EPHA5: variants seen among roughly 807,000 people sequenced by gnomAD.
The protein encoded by EPHA5 is EPH receptor A5, also known as ephrin type-A receptor 5.
In EPHA5, 60 loss-of-function variants were observed where a neutral mutation model predicts 105.0. That is an observed-to-expected ratio of 0.57 (90% CI 0.46 to 0.71). The LOEUF is 0.71. Ranked by LOEUF, EPHA5 falls within the 30% of genes least tolerant of loss-of-function variation. The pLI is 0.00. For missense variants in EPHA5, 1,218 were observed against 1,274.7 expected, an observed-to-expected ratio of 0.96 and a Z score of 0.68; for synonymous variants, 513 against 449.1, an observed-to-expected ratio of 1.14 and a Z score of -1.80.
chr4:65,333,867 C>T (rs1026600048), intron 15 of EPHA5, among the ~76,000 whole-genome samples: 6 of 151,634 alleles, frequency 4.0e-5, no homozygotes, highest in Admixed American at 1.3e-4. Context: ...TCTCCACATC[C>T]GTGTGCTCTT....
At chr4:65,502,908 T>C (rs1365909298) in intron 3 of EPHA5, among the ~76,000 whole-genome samples, 3 of 151,806 alleles carry the variant, frequency 2.0e-5, no homozygotes, top group Non-Finnish European at 4.4e-5. Flanking sequence ...GTGGTACAAG[T>C]ACCGCATGGA....
At chr4:65,657,898 CAAAAAAAAA>C (rs58539913) in intron 1 of EPHA5, among the ~76,000 whole-genome samples, 1 of 117,474 alleles carries the variant, frequency 8.5e-6, no homozygotes, top group Admixed American at 8.6e-5. Flanking sequence ...TTGGTATATG[CAAAAAAAAA>C]AAAAAAAAAA....
intron 1 of EPHA5, among the ~76,000 whole-genome samples, chr4:65,646,941 T>C (rs889666345): frequency 6.6e-6 from 1 of 152,164 alleles, no homozygotes; most frequent in Non-Finnish European, 1.5e-5. Flanking sequence ...TCAGTATTCA[T>C]GACAATATGC....
intron 2 of EPHA5, among the ~76,000 whole-genome samples, chr4:65,637,784 T>C (rs1341430788): frequency 1.3e-5 from 2 of 151,778 alleles, no homozygotes. Context: ...ATTTTATAAA[T>C]AAAAAATAAG....
At chr4:65,349,340 G>T (rs1261364325) in intron 13 of EPHA5, among the ~76,000 whole-genome samples, 1 of 101,318 alleles carries the variant, frequency 9.9e-6, no homozygotes, top group East Asian at 5.6e-4. Flanking sequence ...CATAAAAATT[G>T]ATTTGGAGAC....
chr4:65,564,099 T>C (rs1312167600), intron 3 of EPHA5, among the ~76,000 whole-genome samples: 1 of 151,940 alleles, frequency 6.6e-6, no homozygotes. Flanking sequence ...AAAAATGATT[T>C]CTTTGAGGCC....
At chr4:65,377,742 C>T (rs1246803227) in intron 8 of EPHA5, among the ~76,000 whole-genome samples, 3 of 151,910 alleles carry the variant, frequency 2.0e-5, no homozygotes, top group Non-Finnish European at 2.9e-5. Context: ...TTTAATTTGT[C>T]CACATATTCA....
chr4:65,533,057 AT>A (rs893200250), intron 3 of EPHA5, among the ~76,000 whole-genome samples: 72 of 150,904 alleles, frequency 4.8e-4, no homozygotes, highest in African/African-American at 1.6e-3. Flanking sequence ...TTCCATTAAT[AT>A]TTTTTTTTCA....
At chr4:65,612,476 T>C (rs1255601454) in intron 2 of EPHA5, among the ~76,000 whole-genome samples, 1 of 152,214 alleles carries the variant, frequency 6.6e-6, no homozygotes, top group Admixed American at 6.5e-5. Context: ...TCTAGTCCCA[T>C]TCATGTTTCT....
chr4:65,593,477 T>C (rs1248072868), intron 3 of EPHA5, among the ~76,000 whole-genome samples: 14 of 152,178 alleles, frequency 9.2e-5, no homozygotes, highest in Admixed American at 9.2e-4. Context: ...CTTCTTAAAC[T>C]TGATGTACAT....
intron 8 of EPHA5, among the ~76,000 whole-genome samples, chr4:65,385,470 T>C (rs12509675): frequency 0.1 from 15,209 of 151,960 alleles, 832 homozygotes; most frequent in Non-Finnish European, 0.13. Context: ...CATATTATGA[T>C]AATTGAACAT....
intron 8 of EPHA5, among the ~76,000 whole-genome samples, chr4:65,389,848 A>T (rs1411600781): frequency 6.6e-6 from 1 of 152,054 alleles, no homozygotes; most frequent in African/African-American, 2.4e-5. Context: ...GTTGGTCTGA[A>T]CACAGCCTAG....
At chr4:65,606,489 T>A (rs1201845883) in intron 2 of EPHA5, among the ~76,000 whole-genome samples, 2 of 152,136 alleles carry the variant, frequency 1.3e-5, no homozygotes, top group African/African-American at 4.8e-5. Context: ...GAAAGGTTTA[T>A]AAAAGCAGAT....
intron 3 of EPHA5, among the ~76,000 whole-genome samples, chr4:65,560,656 A>G (rs1738912904): frequency 6.6e-6 from 1 of 151,964 alleles, no homozygotes; most frequent in Non-Finnish European, 1.5e-5. Flanking sequence ...GTCCATCTCT[A>G]AGTTGAAAGT....
At chr4:65,626,941 G>T (rs1276912254) in intron 2 of EPHA5, among the ~76,000 whole-genome samples, 1 of 152,128 alleles carries the variant, frequency 6.6e-6, no homozygotes, top group Non-Finnish European at 1.5e-5. Flanking sequence ...ATCCTCTCTA[G>T]CCACAGCTTG....
chr4:65,365,649 CTATATATA>C (rs57048004), intron 10 of EPHA5, among the ~76,000 whole-genome samples: 3,558 of 64,706 alleles, frequency 0.055, 153 homozygotes, highest in South Asian at 0.1. Flanking sequence ...TACAAATTCA[CTATATATA>C]TATATATATA....
At chr4:65,612,858 G>T (rs375496675) in intron 2 of EPHA5, among the ~76,000 whole-genome samples, 55 of 151,952 alleles carry the variant, frequency 3.6e-4, no homozygotes, top group African/African-American at 1.3e-3. Context: ...TATTTATTTT[G>T]CTGTGCTGAA....
At chr4:65,578,074 C>T (rs1446419119) in intron 3 of EPHA5, among the ~76,000 whole-genome samples, 1 of 152,156 alleles carries the variant, frequency 6.6e-6, no homozygotes, top group African/African-American at 2.4e-5. Context: ...TGGGATATCT[C>T]TATCTTTATA....
intron 11 of EPHA5, among the ~76,000 whole-genome samples, chr4:65,359,117 C>T (rs956292159): frequency 2.0e-5 from 3 of 151,648 alleles, no homozygotes; most frequent in African/African-American, 7.2e-5. Flanking sequence ...GTCAGCAAAT[C>T]TCTTTCTATA....
Sources: allele counts gnomAD v4.1 joint callset (sites outside exome capture counted in the v4.1 genomes callset), GRCh38; gene constraint gnomAD v4.1.1; transcripts MANE v1.5; gene names NCBI Gene and HGNC (gene_info 2026-07-23, HGNC 2026-07-21).